RNF114: variants seen among roughly 807,000 people sequenced by gnomAD.
The protein encoded by RNF114 is E3 ubiquitin-protein ligase RNF114.
Under a neutral mutation model 28.4 loss-of-function variants are expected in RNF114, and 6 were observed. That is an observed-to-expected ratio of 0.21 (90% CI 0.12 to 0.42). The LOEUF (loss-of-function observed/expected upper bound fraction) is 0.42. Ranked by LOEUF, RNF114 falls within the 10% of genes least tolerant of loss-of-function variation. The pLI is 1.00. For missense variants in RNF114, 249 were observed against 311.7 expected (o/e 0.80, Z 1.51); for synonymous variants, 115 against 116.7 (o/e 0.99, Z 0.09).
intron 1 of RNF114, among the ~76,000 whole-genome samples, chr20:49,939,320 T>C (rs897954156): frequency 2.0e-5 from 3 of 152,236 alleles, no homozygotes; most frequent in Non-Finnish European, 2.9e-5. Context: ...TCACCTTCTC[T>C]GTACCTGGTC....
chr20:49,942,108 A>G (rs572780440), intron 2 of RNF114: 1 of 167,232 alleles, frequency 6.0e-6, no homozygotes, highest in South Asian at 1.4e-4. Flanking sequence ...AAAAAAATAA[A>G]ATTAGCCGGG....
At chr20:49,942,811 C>T (rs184727750) in intron 2 of RNF114, among the ~76,000 whole-genome samples, 11 of 152,022 alleles carry the variant, frequency 7.2e-5, no homozygotes, top group South Asian at 2.1e-4. Flanking sequence ...GTGATAGAGC[C>T]GGACCCTGTC....
chr20:49,948,806 T>C (rs1048661993), intron 4 of RNF114, among the ~76,000 whole-genome samples: 7 of 152,200 alleles, frequency 4.6e-5, no homozygotes, highest in Non-Finnish European at 7.3e-5. Context: ...AATCAACCTT[T>C]TGTGTGAGGG....
At chr20:49,946,731 G>A (rs2090332945) in intron 4 of RNF114, among the ~76,000 whole-genome samples, 1 of 152,106 alleles carries the variant, frequency 6.6e-6, no homozygotes, top group Non-Finnish European at 1.5e-5. Context: ...TGTGATGTCT[G>A]TTGTTGGTAA....
chr20:49,937,540 A>G (rs2090292553), intron 1 of RNF114, among the ~76,000 whole-genome samples: 1 of 152,134 alleles, frequency 6.6e-6, no homozygotes, highest in Non-Finnish European at 1.5e-5. Flanking sequence ...TCTCTTAGGG[A>G]AGGGTCACCG....
rs1486689174 is a variant in RNF114, at chr20:49,945,368, T to C, written c.292-14T>C. ...TCCTCACTAACTTATGGGCTCTGAT[T>C]CTTCCTATTTGAGTTCTTCCTGTCC... On this transcript the variant is annotated splice_polypyrimidine_tract_variant and intron_variant, in intron 2 of 5. Coordinates refer to ENST00000244061, the MANE Select transcript of RNF114 (RefSeq NM_018683.4). 3 of 1,565,152 alleles carry C rather than the reference T, an allele frequency of 1.9e-6. No homozygotes were observed. In the East Asian group the frequency reaches 6.7e-5, roughly 35 times the overall value.
intron 2 of RNF114, among the ~76,000 whole-genome samples, chr20:49,942,224 A>T (rs1221719223): frequency 6.6e-6 from 1 of 152,126 alleles, no homozygotes; most frequent in East Asian, 1.9e-4. Context: ...ATGCCACTGC[A>T]CTCCAGCCTG....
At chr20:49,945,554 C>T (rs1164368591) in intron 3 of RNF114, 66 bp downstream of exon 3, 4 of 945,540 alleles carry the variant, frequency 4.2e-6, no homozygotes, top group South Asian at 4.0e-5. Context: ...AGGTTGCATG[C>T]CCAGGGGTTT....
At chr20:49,940,053 CAAAAAAAAAAA>C (rs71190515) in intron 1 of RNF114, among the ~76,000 whole-genome samples, 1 of 75,556 alleles carries the variant, frequency 1.3e-5, no homozygotes, top group Non-Finnish European at 2.4e-5. Flanking sequence ...GACTCTGTCT[CAAAAAAAAAAA>C]AAAAAAAAAA....
intron 5 of RNF114, among the ~76,000 whole-genome samples, chr20:49,950,372 C>G (rs2090350769): frequency 6.6e-6 from 1 of 151,996 alleles, no homozygotes. Context: ...TAATTTCTGC[C>G]TGTTATAGAA....
intron 1 of RNF114, 123 bp downstream of exon 1, chr20:49,936,675 C>A (rs142869025): frequency 0.021 from 26,152 of 1,250,688 alleles, 315 homozygotes; most frequent in African/African-American, 0.035. Flanking sequence ...CCGGGGGTGT[C>A]CCCCGGGGCT....
chr20:49,937,411 A>G (rs913463817), intron 1 of RNF114, among the ~76,000 whole-genome samples: 1 of 152,078 alleles, frequency 6.6e-6, no homozygotes. Flanking sequence ...TCACCTTGGC[A>G]TTGGTCTTGG....
intron 1 of RNF114, 124 bp from the exon 2 acceptor site, chr20:49,941,437 C>G: frequency 9.4e-7 from 1 of 1,069,492 alleles, no homozygotes; most frequent in South Asian, 1.7e-5. Flanking sequence ...AGTATTTGAA[C>G]TGGGAGGAGA....
chr20:49,945,561 G>T (rs1385413747), intron 3 of RNF114, 73 bp downstream of exon 3: 7 of 502,496 alleles, frequency 1.4e-5, no homozygotes, highest in Admixed American at 3.2e-5. Context: ...ATGCCCAGGG[G>T]TTTAGTTGTA....
At position 49,946,217 on chromosome 20, in the gene RNF114, C is replaced by A; in HGVS notation, c.480C>A (p.Cys160Ter). 6.2e-7 allele frequency: 1 copy of A among 1,600,768 alleles called. No individual in the cohort carries two copies. Among genetic ancestry groups the A allele is most frequent in the Non-Finnish European group, 8.5e-7 (1 of 1,169,782 alleles). Residue 160 changes from cysteine to a stop codon, truncating the protein, a stop_gained, in exon 4 of 6, where the codon TGC becomes TGA. Coordinates refer to ENST00000244061, the MANE Select transcript of RNF114 (RefSeq NM_018683.4). LOFTEE classifies it high-confidence loss of function. ...NFDQEGLVEH[C>*]KLFHSTDTKS... The stretch of plus-strand genomic sequence containing the variant: ...ATCAGGAAGGACTTGTGGAACACTG[C>A]AAATTATTCCATAGCACGGATACCA...
intron 4 of RNF114, 121 bp from the exon 5 acceptor site, chr20:49,949,127 A>G: frequency 4.1e-6 from 3 of 729,214 alleles, no homozygotes; most frequent in South Asian, 1.6e-5. Context: ...GGAAGGAGTT[A>G]CTGGCCCTGG....
intron 1 of RNF114, chr20:49,940,974 C>G: frequency 6.7e-6 from 1 of 149,512 alleles, no homozygotes; most frequent in East Asian, 2.0e-4. Context: ...CTCCTGACCT[C>G]GTGATCTGCC....
At chr20:49,948,404 G>C (rs1187953394) in intron 4 of RNF114, among the ~76,000 whole-genome samples, 1 of 150,944 alleles carries the variant, frequency 6.6e-6, no homozygotes, top group East Asian at 1.9e-4. Context: ...TTTTCTCCGT[G>C]CTGCTGCCTC....
At chr20:49,943,216 G>C (rs542785544) in intron 2 of RNF114, among the ~76,000 whole-genome samples, 1 of 152,240 alleles carries the variant, frequency 6.6e-6, no homozygotes, top group East Asian at 1.9e-4. Context: ...CACTCTTGAG[G>C]CTGGGCATGG....
Sources: gnomAD v4.1 joint callset for allele counts (sites outside exome capture counted in the v4.1 genomes callset) on GRCh38, gnomAD v4.1.1 for gene constraint, MANE v1.5 for transcripts, NCBI Gene and HGNC (gene_info 2026-07-23, HGNC 2026-07-21) for gene names.